Variants in FRY observed in about 807,000 individuals in gnomAD.
The protein encoded by FRY is FRY microtubule binding protein, also known as protein furry homolog.
A neutral mutation model predicts 348.4 loss-of-function variants in FRY; 128 were observed. The observed-to-expected ratio is 0.37, with a 90% confidence interval of 0.32 to 0.43. FRY has a LOEUF of 0.43. Ranked by LOEUF, FRY falls within the 20% of genes least tolerant of loss-of-function variation. The probability of loss-of-function intolerance (pLI) is 1.00; values close to 1 mark genes in which losing one functional copy is unlikely to be tolerated. For missense variants in FRY, 2,736 were observed against 3,695.2 expected, an observed-to-expected ratio of 0.74 and a Z score of 6.73; for synonymous variants, 1,370 against 1,374.7, an observed-to-expected ratio of 1.00 and a Z score of 0.08.
Position 32,117,475 on chromosome 13 carries a change from T to C in FRY, c.464+2T>C, listed in dbSNP as rs539546738. The C allele has an allele frequency of 6.2e-7, 1 of 1,612,788 alleles. No individual in the cohort carries two copies. The highest frequency in any genetic ancestry group is 1.3e-5 in the African/African-American group (1 of 75,014). ...AAGAACAAGCAATAAATCAAAAAGG[T>C]ACATTTCTTTTGTGTAAGGATCATG... On this transcript the variant is annotated splice_donor_variant, in intron 4 of 60. Transcript: ENST00000542859. LOFTEE classifies it high-confidence loss of function.
chr13:32,178,073 C>T, intron 20 of FRY, 104 bp from the exon 21 acceptor site: 1 of 1,234,600 alleles, frequency 8.1e-7, no homozygotes, highest in Non-Finnish European at 1.2e-6. Context: ...GCCCAGTGCA[C>T]TCAGCAAAAG....
intron 2 of FRY, among the ~76,000 whole-genome samples, chr13:32,086,793 A>AT (rs1555251235): frequency 1.3e-5 from 2 of 152,222 alleles, no homozygotes; most frequent in African/African-American, 4.8e-5. Context: ...GAGACTAAGA[A>AT]TGAGAGCTGT....
At chr13:32,158,164 CAT>C (rs1272451988) in intron 16 of FRY, among the ~76,000 whole-genome samples, 1 of 152,016 alleles carries the variant, frequency 6.6e-6, no homozygotes, top group Non-Finnish European at 1.5e-5. Context: ...GTGATAGTAA[CAT>C]GTGCTCGTGA....
intron 2 of FRY, among the ~76,000 whole-genome samples, chr13:32,088,517 A>G (rs1425343840): frequency 6.6e-6 from 1 of 152,224 alleles, no homozygotes; most frequent in East Asian, 1.9e-4. Flanking sequence ...AAAAGATTCA[A>G]TTTAACTGCT....
At chr13:32,140,933 G>A (rs1260961806) in intron 11 of FRY, among the ~76,000 whole-genome samples, 2 of 151,994 alleles carry the variant, frequency 1.3e-5, no homozygotes, top group East Asian at 3.9e-4. Context: ...TAAAATATAT[G>A]GCATTTATTT....
chr13:32,057,500 G>C (rs1166661405), intron 1 of FRY, among the ~76,000 whole-genome samples: 1 of 152,130 alleles, frequency 6.6e-6, no homozygotes, highest in Non-Finnish European at 1.5e-5. Context: ...GAGAGTAGTT[G>C]TATGATCTAA....
intron 11 of FRY, among the ~76,000 whole-genome samples, chr13:32,142,488 A>G (rs1326542342): frequency 6.6e-6 from 1 of 152,222 alleles, no homozygotes; most frequent in Admixed American, 6.5e-5. Context: ...GTCAATTCCT[A>G]TCCCAGCTGT....
intron 1 of FRY, chr13:32,038,719 G>A (rs1415106135): frequency 1.3e-5 from 2 of 152,118 alleles, no homozygotes; most frequent in Non-Finnish European, 2.9e-5. Flanking sequence ...ATGGGAATGG[G>A]CTTTTCCATA....
rs868622920 is a variant in FRY, at chr13:32,297,249, A to G, written c.*1789A>G. 6.6e-6 allele frequency: 1 copy of G among 152,192 alleles called. No homozygotes were observed. 9.4% of individuals were successfully genotyped at this position (152,192 alleles called of 1,614,324 possible). A position where few individuals can be genotyped will look rare whatever the true frequency, so the allele number is the denominator to read the frequency against. ...AATAATTTTCTGGACTGCTGAAAACATATTTTTCTGATGATTTATTTTTTT... is the reference window on the plus strand; with the variant it reads ...AATAATTTTCTGGACTGCTGAAAACGTATTTTTCTGATGATTTATTTTTTT... On this transcript the variant is annotated 3_prime_UTR_variant, in exon 61 of 61. Transcript: ENST00000542859.
At chr13:32,266,963 G>T (rs544609238) in intron 54 of FRY, among the ~76,000 whole-genome samples, 1 of 152,100 alleles carries the variant, frequency 6.6e-6, no homozygotes, top group Non-Finnish European at 1.5e-5. Context: ...CAGCCTGGGC[G>T]ACAGAGCGAG....
At chr13:32,234,044 G>A (rs1397364657) in intron 41 of FRY, among the ~76,000 whole-genome samples, 1 of 148,734 alleles carries the variant, frequency 6.7e-6, no homozygotes, top group Non-Finnish European at 1.5e-5. Flanking sequence ...CAGCAACTCA[G>A]TAGGCTGAGG....
At chr13:32,228,831 A>G (rs960585085) in intron 40 of FRY, among the ~76,000 whole-genome samples, 177 bp downstream of exon 40, 2 of 152,252 alleles carry the variant, frequency 1.3e-5, no homozygotes, top group Admixed American at 1.3e-4. Flanking sequence ...GAGAATTACA[A>G]TTTGTGAAAG....
intron 21 of FRY, 39 bp downstream of exon 21, chr13:32,178,475 TC>T: frequency 6.2e-7 from 1 of 1,609,560 alleles, no homozygotes; most frequent in Non-Finnish European, 8.5e-7. Context: ...CTCTTGTTTT[TC>T]CATTTGCCCT....
chr13:32,031,994 C>CTTT (rs200250808), intron 1 of FRY, 129 bp downstream of exon 1: 1 of 628,566 alleles, frequency 1.6e-6, no homozygotes, highest in Non-Finnish European at 2.8e-6. Flanking sequence ...CTTTTCTTTT[C>CTTT]TTTTCTCTTT....
chr13:32,170,458 G>A (rs531479929), intron 17 of FRY, among the ~76,000 whole-genome samples: 12 of 152,312 alleles, frequency 7.9e-5, no homozygotes, highest in East Asian at 1.9e-4. Flanking sequence ...GGGGAGGCCC[G>A]AAGAACGCTA....
chr13:32,108,909 A>C (rs1310193617), intron 3 of FRY, among the ~76,000 whole-genome samples: 2 of 152,178 alleles, frequency 1.3e-5, no homozygotes, highest in African/African-American at 4.8e-5. Context: ...ATCAGGCGGC[A>C]GAGGTAGAAA....
At position 32,186,264 on chromosome 13, in the gene FRY, C is replaced by G; in HGVS notation, c.3324C>G (p.His1108Gln). The G allele has an allele frequency of 6.2e-7, 1 of 1,612,224 alleles. No individual in the cohort carries two copies. The highest frequency in any genetic ancestry group is 8.5e-7 in the Non-Finnish European group (1 of 1,178,256). The part of the protein sequence containing the change: ...VANLIQCVPV[H>Q]HRRFLFPQQS... ...TAAGTGTGTTTTTCTCCCTAGTTCA[C>G]CACCGAAGATTTCTCTTCCCCCAGC... The change falls in exon 27 of 61, where the codon CAC becomes CAG. Residue 1108 changes from histidine to glutamine, a missense_variant. His to Gln is a conservative substitution (Grantham distance 24). Around this residue, in one of 9 missense-constraint regions of FRY, gnomAD observed 449 missense variants for 576.9 expected, o/e 0.78. Transcript: ENST00000542859.
intron 1 of FRY, among the ~76,000 whole-genome samples, chr13:32,066,993 G>A (rs1010790025): frequency 1.3e-5 from 2 of 152,236 alleles, no homozygotes; most frequent in African/African-American, 4.8e-5. Context: ...ACTTAATTGT[G>A]CCATGCACGG....
chr13:32,118,562 C>T (rs1226928358), intron 4 of FRY, among the ~76,000 whole-genome samples: 2 of 151,918 alleles, frequency 1.3e-5, no homozygotes, highest in African/African-American at 2.4e-5. Context: ...ATAACTTTTT[C>T]GTATTGAATT....
Sources: allele counts gnomAD v4.1 joint callset (sites outside exome capture counted in the v4.1 genomes callset), GRCh38; gene constraint gnomAD v4.1.1; regional missense constraint gnomAD v4.1.1; transcripts MANE v1.5; gene names NCBI Gene and HGNC (gene_info 2026-07-23, HGNC 2026-07-21).